SPTBN1: variants seen among roughly 807,000 people sequenced by gnomAD.
The protein encoded by SPTBN1 is spectrin beta, non-erythrocytic 1.
SPTBN1 carries 32 observed loss-of-function variants against 266.4 expected under a neutral mutation model. That is an observed-to-expected ratio of 0.12 (90% confidence interval 0.09 to 0.16). SPTBN1 has a LOEUF of 0.16. SPTBN1 is among the 10% of genes least tolerant of loss of function. The pLI is 1.00. For missense variants in SPTBN1, 2,296 were observed against 3,067.1 expected (o/e 0.75, Z 5.94); for synonymous variants, 1,336 against 1,162.2 (o/e 1.15, Z -3.04).
intron 1 of SPTBN1, among the ~76,000 whole-genome samples, chr2:54,510,808 T>C (rs930093736): frequency 1.3e-5 from 2 of 152,226 alleles, no homozygotes; most frequent in Non-Finnish European, 2.9e-5. Context: ...TCTTTTCTTC[T>C]AAGTTTTTTC....
chr2:54,477,706 G>A (rs1329719618), intron 1 of SPTBN1, among the ~76,000 whole-genome samples: 1 of 152,140 alleles, frequency 6.6e-6, no homozygotes, highest in Non-Finnish European at 1.5e-5. Flanking sequence ...GAGGTCAGGA[G>A]TTCGAGACCA....
chr2:54,629,050 G>A lies in SPTBN1; in HGVS notation c.1916G>A (p.Arg639His), dbSNP rs1198881248. The A allele has an allele frequency of 4.3e-6, 7 of 1,613,850 alleles. No homozygotes were observed. The highest frequency in any genetic ancestry group is 5.1e-6 in the Non-Finnish European group (6 of 1,180,018). ...AGGGCCCGTCTGGAAGAGTCCCGCC[G>A]CCTCTGGAAGTTCTTCTGGGAGATG... Reference protein sequence around the residue: ...ERRARLEESRRLWKFFWEMAE... With the variant: ...ERRARLEESRHLWKFFWEMAE... The change falls in exon 14 of 36, where the codon CGC (arginine) becomes CAC (histidine). Residue 639 changes from arginine (R) to histidine (H), a missense_variant. This residue lies in a region of SPTBN1 where 434 missense variants were observed against 573.9 expected (regional missense o/e 0.76). Coordinates refer to ENST00000356805, the MANE Select transcript of SPTBN1 (RefSeq NM_003128.3).
In SPTBN1 at chr2:54,670,210, GAAAA is replaced by G. The variant is rs79924562; in HGVS notation, c.*1650_*1653del. 7.1e-6 allele frequency: 1 copy of G among 141,170 alleles called. No individual in the cohort carries two copies. Among genetic ancestry groups the G allele is most frequent in the Non-Finnish European group, 1.6e-5 (1 of 64,496 alleles). 8.7% of individuals were successfully genotyped at this position (141,170 alleles called of 1,614,324 possible). ...TTTATACAGATCAGACCAAAAAGAA[GAAAA>G]AAAAAAAACAGGCAAGAGGTTAGGT... On this transcript the variant is annotated 3_prime_UTR_variant, in exon 36 of 36. Transcript: ENST00000356805.
intron 8 of SPTBN1, 116 bp from the exon 9 acceptor site, chr2:54,622,184 T>G: frequency 1.8e-6 from 2 of 1,093,784 alleles, no homozygotes; most frequent in Non-Finnish European, 2.6e-6. Context: ...GTTTCAGAGC[T>G]GGCCAAACTG....
intron 1 of SPTBN1, among the ~76,000 whole-genome samples, chr2:54,519,204 A>G (rs1011679122): frequency 1.3e-5 from 2 of 152,192 alleles, no homozygotes; most frequent in Non-Finnish European, 2.9e-5. Flanking sequence ...AGAAACAAAT[A>G]ATTAGCAAGC....
chr2:54,629,150 C>G lies in SPTBN1; in HGVS notation c.2016C>G (p.Ser672Arg), dbSNP rs762355293. The change falls in exon 14 of 36, where the codon AGC (serine) becomes AGG (arginine). Residue 672 changes from serine (S) to arginine (R), a missense_variant. Ser to Arg is a moderately radical substitution (Grantham distance 110). Transcript: ENST00000356805. ...ACGATTACGGGAAAGACCTGACCAG[C>G]GTCATGCGCCTGCTCAGCAAGCACC... Reference protein sequence around the residue: ...SSDDYGKDLTSVMRLLSKHRA... With the variant: ...SSDDYGKDLTRVMRLLSKHRA... The G allele has an allele frequency of 9.9e-6, 16 of 1,613,446 alleles. No homozygotes were observed. Among genetic ancestry groups the G allele is most frequent in the Non-Finnish European group, 1.4e-5 (16 of 1,179,912 alleles).
chr2:54,616,930 G>C (rs554909487), intron 5 of SPTBN1, among the ~76,000 whole-genome samples: 1 of 151,930 alleles, frequency 6.6e-6, no homozygotes. Flanking sequence ...CATTAATTCA[G>C]AATATGAAAA....
At chr2:54,595,136 T>A (rs563905265) in intron 2 of SPTBN1, among the ~76,000 whole-genome samples, 83 of 152,302 alleles carry the variant, frequency 5.4e-4, no homozygotes, top group African/African-American at 1.9e-3. Context: ...CTGGCCAATT[T>A]CTTAAATGAT....
chr2:54,657,931 G>A lies in SPTBN1; in HGVS notation c.6128G>A (p.Arg2043Gln), dbSNP rs145349076. The change falls in exon 30 of 36, where the codon CGA becomes CAA. Residue 2043 changes from arginine (R) to glutamine (Q), a missense_variant. Coordinates refer to ENST00000356805, the MANE Select transcript of SPTBN1 (RefSeq NM_003128.3). The part of the protein sequence containing the change: ...LLGQEPYLSS[R>Q]EIGQSVDEVE... Reference sequence around the variant, plus strand: ...GGACAGGAGCCGTACCTATCCAGCCGAGAGATAGGCCAGAGCGTGGACGAG... The same window carrying A: ...GGACAGGAGCCGTACCTATCCAGCCAAGAGATAGGCCAGAGCGTGGACGAG... 8.7e-6 allele frequency: 14 copies of A among 1,614,110 alleles called. No homozygotes were observed. The highest frequency in any genetic ancestry group is 4.0e-5 in the African/African-American group (3 of 74,932).
At chr2:54,539,596 G>A (rs1671816615) in intron 2 of SPTBN1, among the ~76,000 whole-genome samples, 6 of 152,170 alleles carry the variant, frequency 3.9e-5, no homozygotes, top group Admixed American at 3.3e-4. Context: ...CTGGAGTGCA[G>A]TGGTGCGATT....
At chr2:54,531,178 A>C (rs1359302241) in intron 2 of SPTBN1, among the ~76,000 whole-genome samples, 11 of 152,148 alleles carry the variant, frequency 7.2e-5, no homozygotes, top group Admixed American at 7.2e-4. Flanking sequence ...ATATTATTGA[A>C]CCTGAGGGGG....
At position 54,533,936 on chromosome 2, in the gene SPTBN1, G is replaced by A. The variant is rs201910475; in HGVS notation, c.148+7370G>A. Among the ~76,000 whole-genome samples the A allele has an allele frequency of 1.2e-4, 17 of 145,258 alleles. No individual in the cohort carries two copies. The highest frequency in any genetic ancestry group is 4.1e-4 in the Admixed American group (6 of 14,580). On this transcript the variant is annotated intron_variant, in intron 2 of 35. Coordinates refer to ENST00000356805, the MANE Select transcript of SPTBN1 (RefSeq NM_003128.3). This position sits in a 1 kb window ranked among gnomAD's most constrained non-coding sequence, Gnocchi z 4.2. ...CACACACACACACACACGCACGCACGCACACAAACACACACACCCCAGTCA... is the reference window on the plus strand; with the variant it reads ...CACACACACACACACACGCACGCACACACACAAACACACACACCCCAGTCA...
intron 2 of SPTBN1, among the ~76,000 whole-genome samples, chr2:54,575,686 G>C (rs569988101): frequency 1.3e-5 from 2 of 152,356 alleles, no homozygotes; most frequent in East Asian, 3.9e-4. Context: ...TTAGCTGCTG[G>C]ATGAAATACC....
chr2:54,484,075 C>A (rs936463840), intron 1 of SPTBN1, among the ~76,000 whole-genome samples: 4 of 151,958 alleles, frequency 2.6e-5, no homozygotes, highest in African/African-American at 9.7e-5. Context: ...TGTGCCTGTG[C>A]CTTGGGAGGC....
intron 10 of SPTBN1, 109 bp downstream of exon 10, chr2:54,623,705 C>A: frequency 4.6e-6 from 4 of 862,700 alleles, no homozygotes; most frequent in Non-Finnish European, 7.2e-6. Flanking sequence ...GCTGTCCCCA[C>A]CTGCCGAATT....
chr2:54,519,719 A>C (rs1670319604), intron 1 of SPTBN1, among the ~76,000 whole-genome samples: 1 of 152,142 alleles, frequency 6.6e-6, no homozygotes, highest in Non-Finnish European at 1.5e-5. Context: ...CTGGAATTAC[A>C]TTTTAGCACG....
intron 2 of SPTBN1, among the ~76,000 whole-genome samples, chr2:54,555,800 G>A (rs1672832495): frequency 6.6e-6 from 1 of 152,210 alleles, no homozygotes; most frequent in Non-Finnish European, 1.5e-5. Context: ...TGCTGCTTGA[G>A]AGGAGGCTTC....
chr2:54,590,632 TAAAG>T (rs1263113241), intron 2 of SPTBN1, among the ~76,000 whole-genome samples: 3 of 152,158 alleles, frequency 2.0e-5, no homozygotes, highest in African/African-American at 4.8e-5. Flanking sequence ...GGCTGGATCT[TAAAG>T]GAAGGGTAAG....
At chr2:54,663,880 G>A (rs17046108) in intron 32 of SPTBN1, 24,031 of 152,130 alleles carry the variant, frequency 0.16, 1,989 homozygotes, top group Middle Eastern at 0.2. Flanking sequence ...CATGATTGTC[G>A]TCCTAATTTC....
Sources: allele counts gnomAD v4.1 joint callset (sites outside exome capture counted in the v4.1 genomes callset), GRCh38; gene constraint gnomAD v4.1.1; regional missense constraint gnomAD v4.1.1; non-coding constraint Gnocchi (gnomAD v3.1); transcripts MANE v1.5; gene names NCBI Gene and HGNC (gene_info 2026-07-23, HGNC 2026-07-21).